The following CPQ variants were observed in gnomAD, a reference collection of about 807,000 sequenced individuals.
CPQ encodes the protein carboxypeptidase Q.
Under a neutral mutation model 45.7 loss-of-function variants are expected in CPQ, and 37 were observed. That is an observed-to-expected ratio of 0.81 (90% CI 0.62 to 1.07). CPQ has a LOEUF of 1.07. CPQ is among the 50% of genes least tolerant of loss of function. CPQ has a pLI of 0.00. For missense variants in CPQ, 537 were observed against 572.9 expected (o/e 0.94, Z 0.64); for synonymous variants, 186 against 205.8 (o/e 0.90, Z 0.82).
At position 96,918,978 on chromosome 8, in the gene CPQ, G is replaced by A. The variant is rs564419273; in HGVS notation, c.849+38973G>A. On this transcript the variant is annotated intron_variant, in intron 4 of 7. Coordinates refer to ENST00000220763, the MANE Select transcript of CPQ (RefSeq NM_016134.4). ...TTCCTGCACCTTCCTAAGGTTCTTC[G>A]CAGTAATGCATTTGTTTCTCTCAGG... 1.5e-4 allele frequency among the ~76,000 whole-genome samples: 23 copies of A among 151,998 alleles called. 1 individual carries two copies. The East Asian group carries it at 3.7e-3, about 24-fold the overall frequency.
At chr8:97,102,307 C>A (rs926139835) in intron 7 of CPQ, among the ~76,000 whole-genome samples, 1 of 152,142 alleles carries the variant, frequency 6.6e-6, no homozygotes, top group Non-Finnish European at 1.5e-5. Context: ...TACCTAATTA[C>A]TAAGTCACCC....
chr8:97,062,447 G>T (rs1437426965), intron 6 of CPQ, among the ~76,000 whole-genome samples: 2 of 152,112 alleles, frequency 1.3e-5, no homozygotes, highest in Non-Finnish European at 2.9e-5. Flanking sequence ...GGGTCTAACA[G>T]CCAAACTGCT....
chr8:96,928,024 C>G (rs532515175), intron 4 of CPQ, among the ~76,000 whole-genome samples: 1 of 152,204 alleles, frequency 6.6e-6, no homozygotes, highest in Admixed American at 6.5e-5. Flanking sequence ...AAAGCAGACA[C>G]AAGCACTGAA....
intron 7 of CPQ, among the ~76,000 whole-genome samples, chr8:97,140,264 TTATCA>T (rs1451892548): frequency 6.6e-6 from 1 of 151,996 alleles, no homozygotes; most frequent in Non-Finnish European, 1.5e-5. Context: ...GTTAAAATTG[TTATCA>T]TAAAGAAAAC....
chr8:96,762,771 A>G (rs1810420655), intron 1 of CPQ, among the ~76,000 whole-genome samples: 1 of 152,170 alleles, frequency 6.6e-6, no homozygotes, highest in Non-Finnish European at 1.5e-5. Context: ...GTTGTATCTA[A>G]GAAATCTTTG....
chr8:97,081,865 T>C (rs1013713614), intron 7 of CPQ, among the ~76,000 whole-genome samples: 1 of 152,136 alleles, frequency 6.6e-6, no homozygotes, highest in Non-Finnish European at 1.5e-5. Context: ...AGGAAAGTCA[T>C]TTCACTCCTT....
chr8:96,711,394 T>C (rs1422150845), intron 1 of CPQ, among the ~76,000 whole-genome samples: 1 of 152,156 alleles, frequency 6.6e-6, no homozygotes, highest in Non-Finnish European at 1.5e-5. Context: ...CTTTGCTTTC[T>C]CCACTGTGCG....
At chr8:96,713,135 A>G (rs1015140310) in intron 1 of CPQ, among the ~76,000 whole-genome samples, 1 of 152,166 alleles carries the variant, frequency 6.6e-6, no homozygotes, top group Non-Finnish European at 1.5e-5. Context: ...TTCATTGTTT[A>G]TATCAGCATT....
rs1327497253 is a variant in CPQ at position 96,708,417 on chromosome 8, ATATGTG to A, written c.-35+63017_-35+63022del. Among the ~76,000 whole-genome samples, 42 of 58,524 alleles carry A rather than the reference ATATGTG, an allele frequency of 7.2e-4. 1 individual carries two copies. The highest frequency in any genetic ancestry group is 2.9e-3 in the African/African-American group (40 of 13,618). 38.4% of individuals were successfully genotyped at this position (58,524 alleles called of 152,430 possible). Reference sequence around the variant, plus strand: ...ATTTAATGAAAAGACAAGGTAAGCCATATGTGTGTGTGTGTGTGTGTATATATATAT... The same window carrying A: ...ATTTAATGAAAAGACAAGGTAAGCCATGTGTGTGTGTGTGTATATATATAT... On this transcript the variant is annotated intron_variant, in intron 1 of 7. Transcript: ENST00000220763.
intron 1 of CPQ, among the ~76,000 whole-genome samples, chr8:96,758,205 A>G (rs1052999021): frequency 1.3e-5 from 2 of 152,210 alleles, no homozygotes; most frequent in Non-Finnish European, 1.5e-5. Context: ...TAGAGCTCAT[A>G]GAATGGGAAG....
intron 1 of CPQ, among the ~76,000 whole-genome samples, chr8:96,749,972 A>C (rs1810237375): frequency 6.6e-6 from 1 of 152,166 alleles, no homozygotes; most frequent in African/African-American, 2.4e-5. Flanking sequence ...CAAATTGATT[A>C]ATCTATACAA....
chr8:97,078,610 AG>A (rs1259266748), intron 7 of CPQ, among the ~76,000 whole-genome samples: 1 of 152,166 alleles, frequency 6.6e-6, no homozygotes, highest in Admixed American at 6.5e-5. Flanking sequence ...CAGTAGTCTC[AG>A]AAAAACAGTA....
chr8:96,997,620 A>C (rs1248944622), intron 5 of CPQ, among the ~76,000 whole-genome samples: 3 of 152,014 alleles, frequency 2.0e-5, no homozygotes, highest in Non-Finnish European at 4.4e-5. Flanking sequence ...AAAGCTTCTC[A>C]ATGAGTGTAT....
intron 4 of CPQ, among the ~76,000 whole-genome samples, chr8:96,931,481 T>C (rs906356865): frequency 7.2e-5 from 11 of 152,202 alleles, no homozygotes; most frequent in Admixed American, 3.9e-4. Context: ...TTTCATTTAC[T>C]AACTTGGAAT....
chr8:97,035,718 T>C (rs892806272), intron 6 of CPQ, among the ~76,000 whole-genome samples: 4 of 152,102 alleles, frequency 2.6e-5, no homozygotes, highest in Admixed American at 2.6e-4. Flanking sequence ...TTGTTTTCTT[T>C]TGTATTTGAG....
At chr8:96,904,354 G>T (rs1812549763) in intron 4 of CPQ, among the ~76,000 whole-genome samples, 1 of 152,150 alleles carries the variant, frequency 6.6e-6, no homozygotes, top group South Asian at 2.1e-4. Context: ...ATTTGCCTTT[G>T]GGATGCCTTA....
intron 2 of CPQ, among the ~76,000 whole-genome samples, chr8:96,818,175 A>G (rs1169155771): frequency 6.6e-6 from 1 of 151,866 alleles, no homozygotes; most frequent in Non-Finnish European, 1.5e-5. Context: ...GGAGAGGGAG[A>G]GAGCACCATG....
intron 5 of CPQ, among the ~76,000 whole-genome samples, chr8:96,978,036 T>C (rs1813819272): frequency 2.0e-5 from 3 of 152,212 alleles, no homozygotes; most frequent in Admixed American, 2.0e-4. Context: ...TAAAACTAGG[T>C]TTATGGCCAT....
At chr8:97,068,355 G>C (rs1369231058) in intron 7 of CPQ, among the ~76,000 whole-genome samples, 1 of 152,158 alleles carries the variant, frequency 6.6e-6, no homozygotes, top group Non-Finnish European at 1.5e-5. Context: ...TAAGAGGCCG[G>C]GTGCAGTGGC....
Sources: allele counts gnomAD v4.1 joint callset (sites outside exome capture counted in the v4.1 genomes callset), GRCh38; gene constraint gnomAD v4.1.1; transcripts MANE v1.5; gene names NCBI Gene and HGNC (gene_info 2026-07-23, HGNC 2026-07-21).